HHIPL1: variants seen among roughly 807,000 people sequenced by gnomAD.
HHIPL1 encodes the protein HHIP like 1.
HHIPL1 carries 43 observed loss-of-function variants against 61.8 expected under a neutral mutation model. That is an observed-to-expected ratio of 0.70 (90% CI 0.55 to 0.90). The LOEUF (loss-of-function observed/expected upper bound fraction) is 0.90. HHIPL1 is among the 40% of genes least tolerant of loss of function. HHIPL1 has a pLI of 0.00. For synonymous variants in HHIPL1, 482 were observed against 515.8 expected, an observed-to-expected ratio of 0.93 and a Z score of 0.89; for missense variants, 1,056 against 1,157.7, an observed-to-expected ratio of 0.91 and a Z score of 1.28.
At chr14:99,652,157 G>T (rs558128699) in intron 1 of HHIPL1, 67 bp from the exon 2 acceptor site, 1 of 1,473,236 alleles carries the variant, frequency 6.8e-7, no homozygotes, top group Non-Finnish European at 9.1e-7. Flanking sequence ...TGGGGGACCC[G>T]CCCAAGGTAA....
chr14:99,639,688 G>A, the HHIPL1 span, among the ~76,000 whole-genome samples: 3 of 151,698 alleles, frequency 2.0e-5, no homozygotes, highest in Non-Finnish European at 4.4e-5. Flanking sequence ...TTGAGATGGA[G>A]TCTTGCTGCG....
At chr14:99,615,189 T>TA in the HHIPL1 span, among the ~76,000 whole-genome samples, 15 of 150,498 alleles carry the variant, frequency 1.0e-4, no homozygotes, top group East Asian at 2.0e-4. Flanking sequence ...ATTTTCCAAT[T>TA]AAAAAAAAAT....
upstream of HHIPL1, among the ~76,000 whole-genome samples, chr14:99,643,470 G>C (rs991772574): frequency 8.5e-5 from 13 of 152,200 alleles, no homozygotes; most frequent in African/African-American, 3.1e-4. Context: ...TCTGGCTGGG[G>C]CTGGGCTGTG....
the HHIPL1 span, among the ~76,000 whole-genome samples, chr14:99,627,178 A>G: frequency 6.6e-6 from 1 of 150,468 alleles, no homozygotes; most frequent in Non-Finnish European, 1.5e-5. This position sits in a 1 kb window ranked among gnomAD's most constrained non-coding sequence, Gnocchi z 4.4. Flanking sequence ...GTATCCATTC[A>G]TCTACTCTTC....
rs761913979 is a variant in HHIPL1 at position 99,657,068 on chromosome 14, G to A, written c.971G>A (p.Gly324Glu). The A allele has an allele frequency of 6.2e-7, 1 of 1,613,496 alleles. No individual in the cohort carries two copies. Among genetic ancestry groups the A allele is most frequent in the African/African-American group, 1.3e-5 (1 of 74,844 alleles). Residue 324 changes from glycine (G) to glutamate (E), a missense_variant, in exon 3 of 9, where the codon GGG (glycine) becomes GAG (glutamate). Gly to Glu is a moderately conservative substitution (Grantham distance 98, BLOSUM62 -2). Coordinates refer to ENST00000330710, the MANE Select transcript of HHIPL1 (RefSeq NM_001127258.3). ...NGGQLLFGDD[G>E]YLYIFTGDGG... ...GGCCAGCTGCTTTTCGGGGATGACG[G>A]GTACCTCTACATCTTCACTGGAGAT...
the HHIPL1 span, among the ~76,000 whole-genome samples, chr14:99,612,667 A>T: frequency 6.6e-6 from 1 of 152,106 alleles, no homozygotes; most frequent in African/African-American, 2.4e-5. Context: ...GGGAGTGGTG[A>T]GGCCCAGGCC....
At chr14:99,626,267 G>GTGTGTGT in the HHIPL1 span, among the ~76,000 whole-genome samples, 586 of 147,572 alleles carry the variant, frequency 4.0e-3, 1 homozygote, top group African/African-American at 9.7e-3. Flanking sequence ...GGTGTAGCGG[G>GTGTGTGT]GTGTGTGTGT....
chr14:99,627,335 C>CCCATCCATCCAT, the HHIPL1 span, among the ~76,000 whole-genome samples: 49 of 149,676 alleles, frequency 3.3e-4, no homozygotes, highest in African/African-American at 1.2e-3. This position sits in a 1 kb window ranked among gnomAD's most constrained non-coding sequence, Gnocchi z 4.4. Context: ...CATCCATCTG[C>CCCATCCATCCAT]CCATCCATCC....
At chr14:99,638,471 C>A in the HHIPL1 span, among the ~76,000 whole-genome samples, 38 of 152,322 alleles carry the variant, frequency 2.5e-4, 1 homozygote, top group South Asian at 7.3e-3. Context: ...CCCAGTCTGG[C>A]CAGAGAGGCG....
At chr14:99,659,858 C>CCA in intron 4 of HHIPL1, 102 bp downstream of exon 4, 1 of 631,558 alleles carries the variant, frequency 1.6e-6, no homozygotes, top group Non-Finnish European at 2.3e-6. Flanking sequence ...CCCCCCCCCC[C>CCA]CGGAGATCCC....
chr14:99,612,889 A>G, the HHIPL1 span, among the ~76,000 whole-genome samples: 1 of 152,098 alleles, frequency 6.6e-6, no homozygotes, highest in Admixed American at 6.5e-5. Flanking sequence ...CCTGAGGTCT[A>G]CAACCTCACA....
intron 5 of HHIPL1, among the ~76,000 whole-genome samples, chr14:99,661,786 A>G (rs1446574182): frequency 6.6e-6 from 1 of 152,138 alleles, no homozygotes; most frequent in Admixed American, 6.5e-5. Flanking sequence ...ACTTATTTCC[A>G]TGCAACCTCC....
At chr14:99,639,698 G>A in the HHIPL1 span, among the ~76,000 whole-genome samples, 11 of 151,816 alleles carry the variant, frequency 7.2e-5, no homozygotes, top group Non-Finnish European at 1.2e-4. Context: ...GTCTTGCTGC[G>A]TTGCCCAGGC....
chr14:99,626,447 T>C, the HHIPL1 span, among the ~76,000 whole-genome samples: 1 of 152,222 alleles, frequency 6.6e-6, no homozygotes, highest in East Asian at 1.9e-4. Context: ...CCGGACCCAT[T>C]CCTGGCCTGC....
chr14:99,611,085 T>C, the HHIPL1 span, among the ~76,000 whole-genome samples: 3 of 152,224 alleles, frequency 2.0e-5, no homozygotes, highest in Admixed American at 1.3e-4. Flanking sequence ...CTTAGATCCA[T>C]TGCATGCATA....
chr14:99,675,194 G>A lies in HHIPL1; in HGVS notation c.1917G>A (p.Pro639=), dbSNP rs2056373782. The change falls in exon 9 of 9, where the codon CCG becomes CCA. Residue 639 remains proline (P), a synonymous_variant. Coordinates refer to ENST00000330710, the MANE Select transcript of HHIPL1 (RefSeq NM_001127258.3). This position sits in a 1 kb window ranked among gnomAD's most constrained non-coding sequence, Gnocchi z 5.4. Reference sequence around the variant, plus strand: ...CGGCCGCTCCCCCCGCGCCAACCCCGCGGCCAGCGCGGCCCACCCAGCAGC... The same window carrying A: ...CGGCCGCTCCCCCCGCGCCAACCCCACGGCCAGCGCGGCCCACCCAGCAGC... ...RPTAAPPAPT[P]RPARPTQQPG... is the part of the protein sequence containing the mutation. The A allele has an allele frequency of 2.6e-6, 3 of 1,143,240 alleles. No homozygotes were observed. The highest frequency in any genetic ancestry group is 3.2e-6 in the Non-Finnish European group (3 of 925,730). The allele number at this position is 1,143,240 out of a possible 1,614,324, so 70.8% of individuals were successfully genotyped here. A position where few individuals can be genotyped will look rare whatever the true frequency, so the allele number is the denominator to read the frequency against.
chr14:99,606,066 A>C, the HHIPL1 span, among the ~76,000 whole-genome samples: 6 of 152,140 alleles, frequency 3.9e-5, no homozygotes, highest in Non-Finnish European at 8.8e-5. Flanking sequence ...GGAGGGGAGT[A>C]CACAGAGAGG....
At chr14:99,648,420 A>G (rs1320672270) in intron 1 of HHIPL1, among the ~76,000 whole-genome samples, 1 of 152,126 alleles carries the variant, frequency 6.6e-6, no homozygotes, top group African/African-American at 2.4e-5. Context: ...AGCATTCCCC[A>G]TGGGGAATGT....
rs559364926 is a variant in HHIPL1, at chr14:99,666,806, G to A, written c.1649-1416G>A. Among the ~76,000 whole-genome samples the A allele has an allele frequency of 7.9e-5, 12 of 152,208 alleles. No individual in the cohort carries two copies. In the South Asian group the frequency reaches 1.7e-3, roughly 21 times the overall value. ...CATGTGTGCCTACAGCTCCTCCCCC[G>A]ACCTCCCCAGTGGGACTGGTGCCCC... On this transcript the variant is annotated intron_variant, in intron 6 of 8. Transcript: ENST00000330710.
Sources: gnomAD v4.1 joint callset for allele counts (sites outside exome capture counted in the v4.1 genomes callset) on GRCh38, gnomAD v4.1.1 for gene constraint, Gnocchi (gnomAD v3.1) non-coding constraint, MANE v1.5 for transcripts, NCBI Gene and HGNC (gene_info 2026-07-23, HGNC 2026-07-21) for gene names.